The following NEMF variants were observed in gnomAD, a reference collection of about 807,000 sequenced individuals.
NEMF encodes the protein nuclear export mediator factor.
Under a neutral mutation model 162.2 loss-of-function variants are expected in NEMF, and 89 were observed. The observed-to-expected ratio is 0.55, with a 90% CI of 0.46 to 0.65. The LOEUF (loss-of-function observed/expected upper bound fraction) is 0.65, where lower values mean the gene tolerates loss of function less well. Ranked by LOEUF, NEMF falls within the 30% of genes least tolerant of loss-of-function variation. The pLI, the probability that NEMF is intolerant of heterozygous loss-of-function variation, is 0.00. For synonymous variants in NEMF, 421 were observed against 404.5 expected, an observed-to-expected ratio of 1.04 and a Z score of -0.49; for missense variants, 1,133 against 1,261.9, an observed-to-expected ratio of 0.90 and a Z score of 1.55.
intron 18 of NEMF, among the ~76,000 whole-genome samples, chr14:49,810,863 T>C (rs771052031): frequency 6.6e-6 from 1 of 152,042 alleles, no homozygotes; most frequent in Non-Finnish European, 1.5e-5. Flanking sequence ...CAGTGGCAAA[T>C]GTCTATGGTC....
rs575027025 is a variant in NEMF, at chr14:49,820,853, C to T, written c.1577+5014G>A. On this transcript the variant is annotated intron_variant, in intron 16 of 32. Transcript: ENST00000298310. Reference sequence around the variant, plus strand: ...CGGGCTGGTCTCCAGCTCCTAACCACGAGTGATCCGCCAGCCTCGGCATCC... The same window carrying T: ...CGGGCTGGTCTCCAGCTCCTAACCATGAGTGATCCGCCAGCCTCGGCATCC... Among the ~76,000 whole-genome samples the T allele has an allele frequency of 2.0e-4, 30 of 152,168 alleles. No homozygotes were observed. In the East Asian group the frequency reaches 5.1e-3, roughly 26 times the overall value.
At chr14:49,845,962 C>T (rs1893480031) in intron 4 of NEMF, 178 bp downstream of exon 4, 1 of 561,882 alleles carries the variant, frequency 1.8e-6, no homozygotes, top group East Asian at 2.9e-5. Flanking sequence ...CTCAGACCTA[C>T]AGATAAAATG....
rs759552335 is a variant in NEMF, at chr14:49,786,604, G to A, written c.2928+114C>T. ...ATTAAGACCCCGAAAGTTTGACTTCGTAGCCTGCAGTCTTGTCTTAGGTTT... is the reference window on the plus strand; with the variant it reads ...ATTAAGACCCCGAAAGTTTGACTTCATAGCCTGCAGTCTTGTCTTAGGTTT... On this transcript the variant is annotated intron_variant, in intron 29 of 32. Coordinates refer to ENST00000298310, the MANE Select transcript of NEMF (RefSeq NM_004713.6). 1.4e-4 allele frequency: 143 copies of A among 987,306 alleles called. 1 individual carries two copies. Among genetic ancestry groups the A allele is most frequent in the Non-Finnish European group, 2.1e-4 (136 of 640,936 alleles). 61.2% of individuals were successfully genotyped at this position (987,306 alleles called of 1,614,324 possible).
intron 28 of NEMF, 71 bp downstream of exon 28, chr14:49,789,075 C>G: frequency 1.6e-6 from 2 of 1,223,152 alleles, no homozygotes; most frequent in East Asian, 2.3e-5. Flanking sequence ...CACTGAAAGT[C>G]CCATGTCCTG....
At chr14:49,818,823 A>G (rs1050137297) in intron 16 of NEMF, among the ~76,000 whole-genome samples, 11 of 152,060 alleles carry the variant, frequency 7.2e-5, no homozygotes, top group African/African-American at 2.7e-4. Context: ...CAAGCAGGAG[A>G]AAAAAAGAAT....
chr14:49,802,306 A>C (rs552745194), intron 22 of NEMF, 147 bp downstream of exon 22: 9 of 768,218 alleles, frequency 1.2e-5, no homozygotes, highest in Middle Eastern at 3.6e-4. Flanking sequence ...AAAAAAAAAA[A>C]ATTCAGTAAA....
intron 23 of NEMF, 138 bp downstream of exon 23, chr14:49,800,282 C>T: frequency 1.3e-6 from 1 of 742,888 alleles, no homozygotes; most frequent in Non-Finnish European, 2.1e-6. Context: ...GCAGAGAGAC[C>T]CAATCAAATG....
In NEMF at chr14:49,820,371, A is replaced by G. The variant is rs184902951; in HGVS notation, c.1577+5496T>C. ...TTGAGTTTGGTGCCATGACAGAGTCATTCCTCAAACCTGTCAGCACTTACG... is the reference window on the plus strand; with the variant it reads ...TTGAGTTTGGTGCCATGACAGAGTCGTTCCTCAAACCTGTCAGCACTTACG... On this transcript the variant is annotated intron_variant, in intron 16 of 32. Transcript: ENST00000298310. The G allele has an allele frequency of 8.8e-6, 4 of 454,476 alleles. No individual in the cohort carries two copies. The East Asian group carries it at 2.8e-4, about 32-fold the overall frequency. 28.2% of individuals were successfully genotyped at this position (454,476 alleles called of 1,614,324 possible). A position where few individuals can be genotyped will look rare whatever the true frequency, so the allele number is the denominator to read the frequency against.
chr14:49,849,285 C>A (rs1893661046), intron 3 of NEMF, among the ~76,000 whole-genome samples: 1 of 152,116 alleles, frequency 6.6e-6, no homozygotes, highest in African/African-American at 2.4e-5. Context: ...CAGAAGTTCA[C>A]ACAAAGGAAT....
chr14:49,840,317 C>T (rs1394061386), intron 5 of NEMF, among the ~76,000 whole-genome samples: 1 of 152,112 alleles, frequency 6.6e-6, no homozygotes, highest in East Asian at 1.9e-4. Context: ...CAAAAATTAG[C>T]TGGGCGTGGT....
At position 49,782,382 on chromosome 14, in the gene NEMF, A is replaced by C. The variant is rs916084297; in HGVS notation, c.*2254T>G. On this transcript the variant is annotated 3_prime_UTR_variant, in exon 33 of 33. Coordinates refer to ENST00000298310, the MANE Select transcript of NEMF (RefSeq NM_004713.6). ...GTTTTAAATGCAGGTTATGGCACACAGCTTGTGCCAGCGATGAAGGAGAAG... is the reference window on the plus strand; with the variant it reads ...GTTTTAAATGCAGGTTATGGCACACCGCTTGTGCCAGCGATGAAGGAGAAG... 7.4e-6 allele frequency: 12 copies of C among 1,611,096 alleles called. No homozygotes were observed. Among genetic ancestry groups the C allele is most frequent in the Middle Eastern group, 1.6e-4 (1 of 6,080 alleles).
At chr14:49,788,640 C>T (rs1199445119) in intron 28 of NEMF, among the ~76,000 whole-genome samples, 1 of 149,732 alleles carries the variant, frequency 6.7e-6, no homozygotes, top group East Asian at 2.0e-4. Flanking sequence ...TCACTGCAAG[C>T]TCTGCCTCCC....
intron 26 of NEMF, among the ~76,000 whole-genome samples, chr14:49,791,735 TAA>T (rs10586126): frequency 2.1e-5 from 3 of 141,112 alleles, no homozygotes; most frequent in African/African-American, 7.9e-5. Context: ...AGACTCCATT[TAA>T]AAAAAAAAAA....
chr14:49,840,632 C>T (rs1893153691), intron 5 of NEMF, 86 bp downstream of exon 5: 2 of 1,210,426 alleles, frequency 1.7e-6, no homozygotes, highest in East Asian at 2.5e-5. Context: ...ACCCATTTTA[C>T]CTTTTTTTTA....
At chr14:49,800,999 A>G (rs1386932977) in intron 22 of NEMF, 5 of 306,290 alleles carry the variant, frequency 1.6e-5, no homozygotes, top group Non-Finnish European at 2.4e-5. Flanking sequence ...AGACAGCAAA[A>G]TTAGTTGCAT....
chr14:49,840,812 G>A lies in NEMF; in HGVS notation c.412C>T (p.Arg138Ter). ...EYVILNILRF[R>*]TDEADDVKFA... is the part of the protein sequence containing the mutation. ...TTAACATCATCTGCCTCATCAGTTC[G>A]AAACCTTAGAATATTTAAAATTACG... Residue 138 changes from arginine (R) to a stop codon, truncating the protein, a stop_gained, in exon 5 of 33, where the codon CGA becomes TGA. Transcript: ENST00000298310. LOFTEE classifies it high-confidence loss of function. 6.2e-7 allele frequency: 1 copy of A among 1,613,442 alleles called. No individual in the cohort carries two copies. Among genetic ancestry groups the A allele is most frequent in the Non-Finnish European group, 8.5e-7 (1 of 1,179,504 alleles).
chr14:49,830,557 G>T (rs188557281), intron 11 of NEMF, among the ~76,000 whole-genome samples: 13 of 152,270 alleles, frequency 8.5e-5, no homozygotes, highest in Admixed American at 6.5e-4. Context: ...ATTAATTTTT[G>T]TATTTCCAGC....
chr14:49,788,711 C>T (rs1054890153), intron 28 of NEMF, among the ~76,000 whole-genome samples: 1 of 152,048 alleles, frequency 6.6e-6, no homozygotes, highest in Non-Finnish European at 1.5e-5. Flanking sequence ...CTCACCACCA[C>T]ACCCGGCTAA....
Position 49,852,590 on chromosome 14 carries a change from A to T in NEMF, c.59+105T>A, listed in dbSNP as rs930320805. On this transcript the variant is annotated intron_variant, in intron 1 of 32. Transcript: ENST00000298310. ...CAGGCCTAGGCAGGTCCATAGACGC[A>T]CTAGGAAATAAGGAAACATATCAAG... 3 of 1,247,564 alleles carry T rather than the reference A, an allele frequency of 2.4e-6. No homozygotes were observed. In the Admixed American group the frequency reaches 5.6e-5, roughly 23 times the overall value. The allele number at this position is 1,247,564 out of a possible 1,614,324, so 77.3% of individuals were successfully genotyped here.
Sources: allele counts gnomAD v4.1 joint callset (sites outside exome capture counted in the v4.1 genomes callset), GRCh38; gene constraint gnomAD v4.1.1; transcripts MANE v1.5; gene names NCBI Gene and HGNC (gene_info 2026-07-23, HGNC 2026-07-21).